The following HK1 variants were observed in gnomAD, a reference collection of about 807,000 sequenced individuals.
HK1 encodes the protein hexokinase 1.
A neutral mutation model predicts 91.6 loss-of-function variants in HK1; 28 were observed. The ratio of observed to expected loss-of-function variants is 0.31; its 90% CI spans 0.23 to 0.42. The LOEUF is 0.42. Among genes scored for constraint, HK1 ranks in the 10% least tolerant of loss-of-function variants. HK1 has a pLI of 1.00. For missense variants in HK1, 770 were observed against 1,219.8 expected (o/e 0.63, Z 5.49); for synonymous variants, 430 against 468.1 (o/e 0.92, Z 1.05).
At chr10:69,294,154 C>T (rs2132473961) in intron 3 of HK1, among the ~76,000 whole-genome samples, 1 of 152,214 alleles carries the variant, frequency 6.6e-6, no homozygotes, top group East Asian at 1.9e-4. Flanking sequence ...AGCCACCGCG[C>T]CCGGCCCTGC....
At chr10:69,297,791 G>A (rs2132486267) in intron 4 of HK1, among the ~76,000 whole-genome samples, 1 of 151,252 alleles carries the variant, frequency 6.6e-6, no homozygotes, top group African/African-American at 2.4e-5. Context: ...AACTACTTGG[G>A]AGGCTGAGGC....
At chr10:69,347,466 C>T (rs10998732) in intron 2 of HK1, among the ~76,000 whole-genome samples, 19,290 of 149,188 alleles carry the variant, frequency 0.13, 1,409 homozygotes, top group South Asian at 0.25. Context: ...AAGACAGTCT[C>T]GCTCTGTCGC....
At chr10:69,329,914 G>A (rs1027593028) in intron 1 of HK1, among the ~76,000 whole-genome samples, 4 of 152,002 alleles carry the variant, frequency 2.6e-5, no homozygotes, top group African/African-American at 7.3e-5. Flanking sequence ...AAATGGATCC[G>A]ATAAGGTCAT....
At chr10:69,295,772 C>T in intron 4 of HK1, 2 of 872,102 alleles carry the variant, frequency 2.3e-6, no homozygotes, top group Admixed American at 1.9e-5. Flanking sequence ...TGATTTTCAG[C>T]CAGCCAAGCA....
intron 13 of HK1, among the ~76,000 whole-genome samples, chr10:69,388,256 G>A (rs111277689): frequency 0.093 from 14,129 of 151,986 alleles, 2,158 homozygotes; most frequent in African/African-American, 0.32. Flanking sequence ...CCTGGGTAAC[G>A]TAGTAAGACC....
rs775079641 is a variant in HK1, at chr10:69,384,327, C to T, written c.1571-6C>T. 30 of 1,614,224 alleles carry T rather than the reference C, an allele frequency of 1.9e-5. No homozygotes were observed. The highest frequency in any genetic ancestry group is 2.5e-5 in the Non-Finnish European group (30 of 1,180,038). On this transcript the variant is annotated splice_region_variant and splice_polypyrimidine_tract_variant and intron_variant, in intron 10 of 17. Transcript: ENST00000359426. Reference sequence around the variant, plus strand: ...TTGACATTCTTTACGCTTTTGACTGCAACAGAGAATGGTGACTTCTTGGCC... The same window carrying T: ...TTGACATTCTTTACGCTTTTGACTGTAACAGAGAATGGTGACTTCTTGGCC...
chr10:69,295,628 C>G (rs1259384466), intron 3 of HK1: 1 of 1,602,816 alleles, frequency 6.2e-7, no homozygotes, highest in Non-Finnish European at 8.5e-7. Context: ...CTGTCTTTCT[C>G]TAAGGCTACA....
chr10:69,299,127 G>A (rs1286373547), intron 4 of HK1, among the ~76,000 whole-genome samples: 1 of 150,718 alleles, frequency 6.6e-6, no homozygotes, highest in African/African-American at 2.5e-5. Context: ...TTTTTTAAAT[G>A]AAAGTATAAT....
Position 69,285,289 on chromosome 10 carries a change from T to C in HK1, c.-215+2585T>C, listed in dbSNP as rs886706669. On this transcript the variant is annotated intron_variant, in intron 2 of 21. Transcript: ENST00000360289. ...AATACAAAAAATTAGCCGGGCGAGG[T>C]GGCGGGCGCCTGTAGTCCCAGCTAC... Among the ~76,000 whole-genome samples, 7 of 151,428 alleles carry C rather than the reference T, an allele frequency of 4.6e-5. No homozygotes were observed. The South Asian group carries it at 1.0e-3, about 23-fold the overall frequency.
intron 5 of HK1, among the ~76,000 whole-genome samples, chr10:69,309,952 A>G (rs1846287989): frequency 6.6e-6 from 1 of 151,498 alleles, no homozygotes; most frequent in Admixed American, 6.6e-5. Flanking sequence ...TGGGAGGCTG[A>G]GGCAGGAGAA....
rs1383420308 is a variant in HK1 at position 69,389,109 on chromosome 10, C to G, written c.1936-88C>G. The G allele has an allele frequency of 3.1e-6, 3 of 962,098 alleles. No individual in the cohort carries two copies. The Admixed American group carries it at 5.7e-5, about 18-fold the overall frequency. 59.6% of individuals were successfully genotyped at this position (962,098 alleles called of 1,614,324 possible). A position where few individuals can be genotyped will look rare whatever the true frequency, so the allele number is the denominator to read the frequency against. ...ATCTTAGATGATGACCAGTGGCTCT[C>G]TGACTGCAGTGCAACAGACAGAACC... On this transcript the variant is annotated intron_variant, in intron 13 of 17. Coordinates refer to ENST00000359426, the MANE Select transcript of HK1 (RefSeq NM_000188.3).
rs150705486 is a variant in HK1 at position 69,333,460 on chromosome 10, G to A, written c.64-10367G>A. 9.3e-3 allele frequency among the ~76,000 whole-genome samples: 1,419 copies of A among 152,304 alleles called. 17 individuals carry two copies. The highest frequency in any genetic ancestry group is 0.016 in the Admixed American group (238 of 15,292). On this transcript the variant is annotated intron_variant, in intron 1 of 17. Coordinates refer to ENST00000359426, the MANE Select transcript of HK1 (RefSeq NM_000188.3). ...ATTCCAGGGCTGTTCTGTTCTCCCCGAGGGAATGGGGGCCTGCTTTATTTT... is the reference window on the plus strand; with the variant it reads ...ATTCCAGGGCTGTTCTGTTCTCCCCAAGGGAATGGGGGCCTGCTTTATTTT...
At chr10:69,395,488 G>A (rs960616314) in intron 16 of HK1, among the ~76,000 whole-genome samples, 1 of 152,166 alleles carries the variant, frequency 6.6e-6, no homozygotes, top group African/African-American at 2.4e-5. Flanking sequence ...TGAGGCAGGA[G>A]ACTCACTTGA....
chr10:69,318,772 G>T, upstream of HK1: 2 of 1,267,744 alleles, frequency 1.6e-6, no homozygotes, highest in Non-Finnish European at 2.1e-6. Context: ...TCCAGGGGAC[G>T]GGAGCGCGGA....
intron 2 of HK1, among the ~76,000 whole-genome samples, chr10:69,359,231 G>A (rs1056864283): frequency 3.3e-5 from 5 of 152,168 alleles, no homozygotes; most frequent in African/African-American, 9.7e-5. Context: ...GGGACTGAGG[G>A]TGAGGGGAAA....
intron 2 of HK1, among the ~76,000 whole-genome samples, chr10:69,286,897 C>T (rs1186570499): frequency 6.6e-6 from 1 of 152,104 alleles, no homozygotes; most frequent in Non-Finnish European, 1.5e-5. Flanking sequence ...GTGCCTCTGT[C>T]GAGGAAGCTC....
chr10:69,282,740 C>G (rs1844807822), intron 2 of HK1: 1 of 152,114 alleles, frequency 6.6e-6, no homozygotes, highest in African/African-American at 2.4e-5. Context: ...TAGGGGGTTG[C>G]CTGGGCTGTG....
chr10:69,329,130 AT>A (rs1054801214), intron 1 of HK1, among the ~76,000 whole-genome samples: 4 of 147,892 alleles, frequency 2.7e-5, no homozygotes, highest in Non-Finnish European at 3.0e-5. Flanking sequence ...TTGTGTGTGA[AT>A]TTTTTTTTGT....
chr10:69,384,899 A>T lies in HK1; in HGVS notation c.1823A>T (p.Gln608Leu). ...LGFTFSFPCQ[Q>L]TSLDAGILIT... ...TTCACGTTCTCATTTCCCTGCCAGC[A>T]GACGAGTCTGGACGCGGTGAGTCTC... Residue 608 changes from glutamine to leucine, a missense_variant, in exon 12 of 18, where the codon CAG becomes CTG. Around this residue, in one of 7 missense-constraint regions of HK1, gnomAD observed 152 missense variants for 211.1 expected, o/e 0.72. Transcript: ENST00000359426. 1 of 1,614,218 alleles carries T rather than the reference A, an allele frequency of 6.2e-7. No homozygotes were observed. Among genetic ancestry groups the T allele is most frequent in the Non-Finnish European group, 8.5e-7 (1 of 1,180,040 alleles).
Sources: gnomAD v4.1 joint callset for allele counts (sites outside exome capture counted in the v4.1 genomes callset) on GRCh38, gnomAD v4.1.1 for gene constraint, gnomAD v4.1.1 regional missense constraint, MANE v1.5 for transcripts, NCBI Gene and HGNC (gene_info 2026-07-23, HGNC 2026-07-21) for gene names.